CDH13: variants seen among roughly 807,000 people sequenced by gnomAD.
CDH13 encodes the protein cadherin 13, also known as cadherin-13.
Under a neutral mutation model 63.8 loss-of-function variants are expected in CDH13, and 24 were observed. The ratio of observed to expected loss-of-function variants is 0.38; its 90% CI spans 0.27 to 0.53. CDH13 has a LOEUF of 0.53. Among genes scored for constraint, CDH13 ranks in the 20% least tolerant of loss-of-function variants. The pLI, the probability that CDH13 is intolerant of heterozygous loss-of-function variation, is 0.85. For missense variants in CDH13, 1,049 were observed against 903.1 expected (o/e 1.16, Z -2.07); for synonymous variants, 503 against 355.3 (o/e 1.42, Z -4.67).
intron 5 of CDH13, among the ~76,000 whole-genome samples, chr16:83,255,548 C>G (rs1357035570): frequency 6.6e-6 from 1 of 152,196 alleles, no homozygotes; most frequent in African/African-American, 2.4e-5. Context: ...ACTTGATTAC[C>G]TCCCTGCTCC....
chr16:83,123,933 A>C (rs993207226), intron 3 of CDH13, among the ~76,000 whole-genome samples: 2 of 152,150 alleles, frequency 1.3e-5, no homozygotes, highest in Admixed American at 1.3e-4. Flanking sequence ...TTGTCGTTTC[A>C]ATTTGCATTT....
At chr16:82,666,818 C>A (rs565375141) in intron 1 of CDH13, among the ~76,000 whole-genome samples, 3 of 152,242 alleles carry the variant, frequency 2.0e-5, no homozygotes, top group African/African-American at 7.2e-5. Context: ...AACATTTAAT[C>A]CCAGAGCCAG....
At chr16:82,735,592 T>C (rs2033632493) in intron 1 of CDH13, among the ~76,000 whole-genome samples, 1 of 152,228 alleles carries the variant, frequency 6.6e-6, no homozygotes, top group Non-Finnish European at 1.5e-5. Flanking sequence ...AATAAGCTTA[T>C]AGATTTTAGC....
intron 1 of CDH13, among the ~76,000 whole-genome samples, chr16:82,675,637 G>A (rs989951595): frequency 2.0e-5 from 3 of 152,136 alleles, no homozygotes; most frequent in African/African-American, 7.2e-5. Flanking sequence ...TTTTTGGTGC[G>A]GAGGCCACCA....
Position 83,136,284 on chromosome 16 carries a change from C to A in CDH13, c.483+10783C>A, listed in dbSNP as rs184975242. Among the ~76,000 whole-genome samples, 781 of 151,732 alleles carry A rather than the reference C, an allele frequency of 5.1e-3. 5 individuals carry two copies. The highest frequency in any genetic ancestry group is 0.013 in the South Asian group (60 of 4,788). Reference sequence around the variant, plus strand: ...GGATCATGAGGTCAGGAGATCGAGACCATCCTGGCTAACATGGTGAAACCC... The same window carrying A: ...GGATCATGAGGTCAGGAGATCGAGAACATCCTGGCTAACATGGTGAAACCC... On this transcript the variant is annotated intron_variant, in intron 4 of 13. Coordinates refer to ENST00000567109, the MANE Select transcript of CDH13 (RefSeq NM_001257.5).
intron 1 of CDH13, among the ~76,000 whole-genome samples, chr16:82,788,718 C>T (rs1410376393): frequency 6.6e-6 from 1 of 152,210 alleles, no homozygotes; most frequent in Non-Finnish European, 1.5e-5. Flanking sequence ...TCTTCCTCTC[C>T]TGCCAGGATC....
At chr16:82,662,694 T>C (rs73599199) in intron 1 of CDH13, among the ~76,000 whole-genome samples, 10,687 of 152,244 alleles carry the variant, frequency 0.07, 413 homozygotes, top group African/African-American at 0.1. Flanking sequence ...AATCTTTGAG[T>C]CGATAACAGC....
At chr16:82,997,750 G>C (rs1406323417) in intron 2 of CDH13, among the ~76,000 whole-genome samples, 1 of 152,134 alleles carries the variant, frequency 6.6e-6, no homozygotes, top group Admixed American at 6.5e-5. Context: ...TAGAAGTTCA[G>C]CAGTCTATCT....
intron 3 of CDH13, among the ~76,000 whole-genome samples, chr16:83,041,087 G>A (rs1290054613): frequency 6.6e-6 from 1 of 152,140 alleles, no homozygotes. Context: ...AAAAGACCTG[G>A]CAGTATTTAA....
chr16:83,173,376 A>G (rs777596312), intron 4 of CDH13, among the ~76,000 whole-genome samples: 35 of 152,158 alleles, frequency 2.3e-4, no homozygotes, highest in Non-Finnish European at 4.9e-4. Context: ...GCTTTTAAAT[A>G]TGCTATTATC....
chr16:82,702,108 C>G (rs964934194), intron 1 of CDH13, among the ~76,000 whole-genome samples: 1 of 152,216 alleles, frequency 6.6e-6, no homozygotes, highest in African/African-American at 2.4e-5. Flanking sequence ...GAGTCCCCTG[C>G]TCTAAATGGC....
chr16:83,193,992 A>C (rs1205734186), intron 4 of CDH13, among the ~76,000 whole-genome samples: 1 of 152,222 alleles, frequency 6.6e-6, no homozygotes, highest in Non-Finnish European at 1.5e-5. Flanking sequence ...AGGAGGGAAG[A>C]GTCCGATGTT....
intron 6 of CDH13, chr16:83,383,067 T>G (rs1219057110): frequency 6.6e-6 from 1 of 152,230 alleles, no homozygotes; most frequent in Non-Finnish European, 1.5e-5. Flanking sequence ...TGCCCCAGTT[T>G]GGAGCATTTC....
At chr16:83,706,725 C>G (rs1907118424) in intron 10 of CDH13, among the ~76,000 whole-genome samples, 1 of 152,064 alleles carries the variant, frequency 6.6e-6, no homozygotes, top group South Asian at 2.1e-4. Context: ...CATAGAGAAG[C>G]AAAGAAAAAT....
At chr16:83,158,889 C>T (rs941234345) in intron 4 of CDH13, among the ~76,000 whole-genome samples, 2 of 152,248 alleles carry the variant, frequency 1.3e-5, no homozygotes, top group African/African-American at 4.8e-5. Context: ...TTCTTCGCAG[C>T]AGCCTTCTTT....
At chr16:83,626,627 G>T (rs751334954) in intron 8 of CDH13, among the ~76,000 whole-genome samples, 2 of 151,958 alleles carry the variant, frequency 1.3e-5, no homozygotes, top group Non-Finnish European at 2.9e-5. Flanking sequence ...CTTGGCAACT[G>T]AACTCAACGT....
rs1597595681 is a variant in CDH13, at chr16:83,250,932, A to G, written c.636+33435A>G. The stretch of plus-strand genomic sequence containing the variant: ...ATGAAGTATTGAACTATATGGAAGT[A>G]TTTATCTGTTTAAACATTGGGGGAA... On this transcript the variant is annotated intron_variant, in intron 5 of 13. Transcript: ENST00000567109. 2.0e-5 allele frequency among the ~76,000 whole-genome samples: 3 copies of G among 152,130 alleles called. No homozygotes were observed. In the South Asian group the frequency reaches 6.2e-4, roughly 32 times the overall value.
At chr16:82,914,408 A>G (rs902070024) in intron 2 of CDH13, among the ~76,000 whole-genome samples, 2 of 152,190 alleles carry the variant, frequency 1.3e-5, no homozygotes, top group Non-Finnish European at 2.9e-5. Flanking sequence ...AGCAATTTTA[A>G]GCAAATTTTC....
chr16:82,881,218 C>G (rs567295836), intron 2 of CDH13, among the ~76,000 whole-genome samples: 4 of 152,238 alleles, frequency 2.6e-5, no homozygotes, highest in African/African-American at 7.2e-5. Context: ...GTTCGTGTCT[C>G]TGGGCCATCT....
Sources: allele counts gnomAD v4.1 joint callset (sites outside exome capture counted in the v4.1 genomes callset), GRCh38; gene constraint gnomAD v4.1.1; transcripts MANE v1.5; gene names NCBI Gene and HGNC (gene_info 2026-07-23, HGNC 2026-07-21).